The following KCNIP4 variants were observed in gnomAD, a reference collection of about 807,000 sequenced individuals.
KCNIP4 encodes potassium voltage-gated channel interacting protein 4.
In KCNIP4, 12 loss-of-function variants were observed where a neutral mutation model predicts 34.0. That is an observed-to-expected ratio of 0.35 (90% CI 0.23 to 0.57). The LOEUF (loss-of-function observed/expected upper bound fraction) is 0.57, where lower values mean the gene tolerates loss of function less well. Ranked by LOEUF, KCNIP4 falls within the 20% of genes least tolerant of loss-of-function variation. KCNIP4 has a pLI of 0.83. For missense variants in KCNIP4, 238 were observed against 311.7 expected, an observed-to-expected ratio of 0.76 and a Z score of 1.78; for synonymous variants, 124 against 102.2, an observed-to-expected ratio of 1.21 and a Z score of -1.29.
chr4:21,297,807 G>C (rs1489260657), intron 1 of KCNIP4, among the ~76,000 whole-genome samples: 1 of 150,512 alleles, frequency 6.6e-6, no homozygotes, highest in Non-Finnish European at 1.5e-5. Context: ...CATAGAGCTA[G>C]AAGCAAAAAA....
chr4:21,093,891 A>G (rs558616953), intron 1 of KCNIP4, among the ~76,000 whole-genome samples: 48 of 152,102 alleles, frequency 3.2e-4, no homozygotes, highest in East Asian at 2.7e-3. Flanking sequence ...GACCATCCTG[A>G]CTAACACGGT....
intron 1 of KCNIP4, among the ~76,000 whole-genome samples, chr4:21,510,510 G>A (rs1026311598): frequency 5.3e-5 from 8 of 151,618 alleles, no homozygotes; most frequent in Admixed American, 3.9e-4. Flanking sequence ...TTTTTTACTT[G>A]GATATAAATA....
At chr4:21,826,278 T>C (rs1416218520) in intron 1 of KCNIP4, among the ~76,000 whole-genome samples, 2 of 152,142 alleles carry the variant, frequency 1.3e-5, no homozygotes, top group Non-Finnish European at 1.5e-5. Flanking sequence ...TAATCCACCA[T>C]ATGAATACAG....
intron 1 of KCNIP4, among the ~76,000 whole-genome samples, chr4:21,154,488 T>A (rs142084856): frequency 1.3e-3 from 196 of 152,302 alleles, no homozygotes; most frequent in Non-Finnish European, 2.2e-3. Context: ...CCCTGTGTCA[T>A]CCTCTATTGC....
At chr4:21,767,730 G>A (rs1057390573) in intron 1 of KCNIP4, among the ~76,000 whole-genome samples, 45 of 151,714 alleles carry the variant, frequency 3.0e-4, no homozygotes, top group African/African-American at 9.0e-4. Flanking sequence ...TATACACAGC[G>A]GGGACCTAAT....
At chr4:21,487,512 T>C (rs930984027) in intron 1 of KCNIP4, among the ~76,000 whole-genome samples, 1 of 152,094 alleles carries the variant, frequency 6.6e-6, no homozygotes, top group Non-Finnish European at 1.5e-5. Context: ...TTATCCTCCC[T>C]TTCCATAGTG....
intron 1 of KCNIP4, among the ~76,000 whole-genome samples, chr4:21,235,806 G>T (rs564576026): frequency 4.6e-5 from 7 of 152,260 alleles, no homozygotes; most frequent in African/African-American, 1.4e-4. Flanking sequence ...ACTGGCTATG[G>T]AAAGTGCTTA....
intron 1 of KCNIP4, among the ~76,000 whole-genome samples, chr4:21,423,976 T>TA (rs1470406720): frequency 6.8e-6 from 1 of 147,480 alleles, no homozygotes; most frequent in Non-Finnish European, 1.5e-5. Flanking sequence ...CCCGGCCAAT[T>TA]TTTTTTTTTT....
At chr4:21,040,278 C>T (rs1350066051) in intron 1 of KCNIP4, among the ~76,000 whole-genome samples, 4 of 152,146 alleles carry the variant, frequency 2.6e-5, no homozygotes, top group African/African-American at 4.8e-5. Flanking sequence ...CCTTTTGAAA[C>T]TGAAGCTAAA....
chr4:21,833,862 T>G (rs939263712), intron 1 of KCNIP4, among the ~76,000 whole-genome samples: 1 of 152,170 alleles, frequency 6.6e-6, no homozygotes, highest in African/African-American at 2.4e-5. Flanking sequence ...CTTTCCCCAT[T>G]GCTTGTTTTT....
intron 5 of KCNIP4, among the ~76,000 whole-genome samples, chr4:20,735,128 A>G (rs573971882): frequency 6.6e-6 from 1 of 152,250 alleles, no homozygotes; most frequent in Non-Finnish European, 1.5e-5. Flanking sequence ...CCGTTTGCTA[A>G]TAAGAAATGT....
At chr4:21,414,108 A>G (rs535249861) in intron 1 of KCNIP4, among the ~76,000 whole-genome samples, 11 of 152,284 alleles carry the variant, frequency 7.2e-5, no homozygotes, top group African/African-American at 2.6e-4. Context: ...ATAAGTAAAT[A>G]TAGAGTAGGT....
chr4:20,818,453 C>G (rs1266276658), intron 3 of KCNIP4, among the ~76,000 whole-genome samples: 1 of 152,222 alleles, frequency 6.6e-6, no homozygotes, highest in Non-Finnish European at 1.5e-5. Context: ...GCAGCCGACT[C>G]TAGCCCTTGG....
At chr4:21,097,947 G>A (rs1747607409) in intron 1 of KCNIP4, among the ~76,000 whole-genome samples, 1 of 152,104 alleles carries the variant, frequency 6.6e-6, no homozygotes, top group South Asian at 2.1e-4. Flanking sequence ...TGAATGCAAA[G>A]GAAGAGTTCT....
intron 1 of KCNIP4, among the ~76,000 whole-genome samples, chr4:21,185,564 T>A (rs1755155131): frequency 6.6e-6 from 1 of 152,018 alleles, no homozygotes; most frequent in Admixed American, 6.6e-5. Flanking sequence ...GACACGTGCT[T>A]TTGCCTGTCT....
At chr4:21,126,847 GA>G (rs771687811) in intron 1 of KCNIP4, among the ~76,000 whole-genome samples, 1 of 152,076 alleles carries the variant, frequency 6.6e-6, no homozygotes, top group Non-Finnish European at 1.5e-5. Context: ...TCTTTCTAAT[GA>G]AAAATTTGCT....
intron 1 of KCNIP4, among the ~76,000 whole-genome samples, chr4:21,813,926 C>T (rs977011749): frequency 2.0e-5 from 3 of 152,146 alleles, no homozygotes; most frequent in African/African-American, 7.2e-5. Context: ...TCTGAGACAG[C>T]TCTGAATTAA....
At chr4:20,847,274 G>A (rs1328951876) in intron 3 of KCNIP4, among the ~76,000 whole-genome samples, 1 of 152,138 alleles carries the variant, frequency 6.6e-6, no homozygotes, top group Non-Finnish European at 1.5e-5. Flanking sequence ...GCCCAAATGA[G>A]TAACATGACC....
At chr4:21,025,807 G>T (rs1740512613) in intron 1 of KCNIP4, among the ~76,000 whole-genome samples, 1 of 151,950 alleles carries the variant, frequency 6.6e-6, no homozygotes, top group African/African-American at 2.4e-5. Context: ...GCCTGCCTTG[G>T]CCTCCCTAAA....
Sources: allele counts gnomAD v4.1 joint callset (sites outside exome capture counted in the v4.1 genomes callset), GRCh38; gene constraint gnomAD v4.1.1; transcripts MANE v1.5; gene names NCBI Gene and HGNC (gene_info 2026-07-23, HGNC 2026-07-21).